The following PTPRT variants were observed in gnomAD, a reference collection of about 807,000 sequenced individuals.
PTPRT encodes the protein protein tyrosine phosphatase receptor type T, also known as receptor-type tyrosine-protein phosphatase T.
A neutral mutation model predicts 176.8 loss-of-function variants in PTPRT; 56 were observed. The observed-to-expected ratio is 0.32, with a 90% CI of 0.26 to 0.40. The LOEUF is 0.40. PTPRT is among the 10% of genes least tolerant of loss of function. The pLI, the probability that PTPRT is intolerant of heterozygous loss-of-function variation, is 1.00. For synonymous variants in PTPRT, 783 were observed against 739.0 expected (o/e 1.06, Z -0.96); for missense variants, 1,540 against 1,908.2 (o/e 0.81, Z 3.60).
intron 3 of PTPRT, among the ~76,000 whole-genome samples, chr20:42,786,195 T>G (rs2145522301): frequency 6.6e-6 from 1 of 152,316 alleles, no homozygotes; most frequent in Middle Eastern, 3.4e-3. Context: ...ATTAAACCTC[T>G]TTTCTTTATA....
intron 9 of PTPRT, among the ~76,000 whole-genome samples, chr20:42,392,973 C>T (rs1361893064): frequency 3.9e-5 from 6 of 152,040 alleles, no homozygotes; most frequent in Admixed American, 1.3e-4. Context: ...TTAATGCTTA[C>T]ATTTGATGAA....
intron 1 of PTPRT, among the ~76,000 whole-genome samples, chr20:43,146,597 G>A (rs2014176608): frequency 6.6e-6 from 1 of 151,490 alleles, no homozygotes; most frequent in South Asian, 2.1e-4. Context: ...ATAAACTATT[G>A]TTCTTCTGCA....
chr20:42,401,697 G>C (rs2058909594), intron 9 of PTPRT, among the ~76,000 whole-genome samples: 1 of 152,122 alleles, frequency 6.6e-6, no homozygotes, highest in East Asian at 1.9e-4. Context: ...TTAGCAGAGA[G>C]GATGGCATGT....
At chr20:42,841,610 TACACACACACACACACACACAC>T (rs3973897) in intron 2 of PTPRT, among the ~76,000 whole-genome samples, 6 of 140,908 alleles carry the variant, frequency 4.3e-5, no homozygotes, top group South Asian at 2.4e-4. Context: ...TAGTGTTAAA[TACACACACACACACACACACAC>T]ACACACACAC....
chr20:42,783,817 G>A (rs184399783), intron 3 of PTPRT, among the ~76,000 whole-genome samples: 28 of 152,288 alleles, frequency 1.8e-4, no homozygotes, highest in Non-Finnish European at 2.9e-4. Context: ...GAGAAGTCTA[G>A]AGGTGACTCT....
At chr20:43,050,982 G>A (rs1428272044) in intron 1 of PTPRT, among the ~76,000 whole-genome samples, 1 of 152,156 alleles carries the variant, frequency 6.6e-6, no homozygotes, top group Non-Finnish European at 1.5e-5. Flanking sequence ...GAAGAAAGTG[G>A]CTCTATTCTC....
At chr20:42,225,951 C>A (rs2055999916) in intron 15 of PTPRT, among the ~76,000 whole-genome samples, 1 of 152,184 alleles carries the variant, frequency 6.6e-6, no homozygotes, top group African/African-American at 2.4e-5. Context: ...CCGCACCAGG[C>A]CAAATGTGTC....
At chr20:42,665,266 C>T (rs2075294269) in intron 7 of PTPRT, among the ~76,000 whole-genome samples, 1 of 152,040 alleles carries the variant, frequency 6.6e-6, no homozygotes, top group South Asian at 2.1e-4. Context: ...AAAAACAACC[C>T]CATCAAAAGT....
chr20:42,808,444 C>T (rs1035259587), intron 2 of PTPRT, among the ~76,000 whole-genome samples: 3 of 152,006 alleles, frequency 2.0e-5, no homozygotes, highest in Admixed American at 6.6e-5. Flanking sequence ...GGGAACAGGA[C>T]GAGAAAGTCC....
At chr20:42,657,989 C>G (rs1210732455) in intron 7 of PTPRT, among the ~76,000 whole-genome samples, 1 of 144,246 alleles carries the variant, frequency 6.9e-6, no homozygotes, top group Non-Finnish European at 1.5e-5. Flanking sequence ...TGAAAATTAT[C>G]TTTTAACAGT....
intron 6 of PTPRT, among the ~76,000 whole-genome samples, chr20:42,742,428 G>A (rs1440671180): frequency 2.0e-5 from 3 of 152,188 alleles, no homozygotes; most frequent in Non-Finnish European, 2.9e-5. Context: ...ACAGCCCAGT[G>A]AAGTTACTGG....
intron 1 of PTPRT, among the ~76,000 whole-genome samples, chr20:43,074,022 G>A (rs1363711979): frequency 6.6e-6 from 1 of 152,076 alleles, no homozygotes; most frequent in Non-Finnish European, 1.5e-5. Flanking sequence ...CCAAAGTGCT[G>A]GGATTACAAC....
intron 9 of PTPRT, among the ~76,000 whole-genome samples, chr20:42,410,936 G>A (rs1376579926): frequency 6.6e-6 from 1 of 152,166 alleles, no homozygotes; most frequent in African/African-American, 2.4e-5. Flanking sequence ...GTAGTACTTA[G>A]AGGTAAATTT....
At chr20:42,361,312 C>G (rs952154505) in intron 9 of PTPRT, among the ~76,000 whole-genome samples, 7 of 152,156 alleles carry the variant, frequency 4.6e-5, no homozygotes, top group African/African-American at 1.7e-4. Context: ...GCCTGAATTT[C>G]TAAACCTGTG....
At chr20:42,515,959 A>T (rs2072058074) in intron 7 of PTPRT, among the ~76,000 whole-genome samples, 1 of 150,040 alleles carries the variant, frequency 6.7e-6, no homozygotes, top group Non-Finnish European at 1.5e-5. Flanking sequence ...TTGTAGGGAC[A>T]TGGATGAAAT....
At chr20:42,357,888 T>A (rs1344637796) in intron 9 of PTPRT, among the ~76,000 whole-genome samples, 1 of 152,082 alleles carries the variant, frequency 6.6e-6, no homozygotes, top group Non-Finnish European at 1.5e-5. Context: ...CATTCTAGCC[T>A]GGGAAACAGA....
At chr20:43,027,233 T>C (rs206161) in intron 1 of PTPRT, among the ~76,000 whole-genome samples, 103,283 of 151,986 alleles carry the variant, frequency 0.68, 38,103 homozygotes, top group South Asian at 0.9. Context: ...ATCCCAGCAC[T>C]TTGGGAGGCA....
chr20:42,099,083 G>T (rs1330588457), intron 26 of PTPRT, among the ~76,000 whole-genome samples: 1 of 152,260 alleles, frequency 6.6e-6, no homozygotes, highest in Non-Finnish European at 1.5e-5. Context: ...AAGTACACAT[G>T]CATTATTAAT....
chr20:42,600,007 C>G (rs2073747667), intron 7 of PTPRT, among the ~76,000 whole-genome samples: 1 of 152,164 alleles, frequency 6.6e-6, no homozygotes, highest in Non-Finnish European at 1.5e-5. Flanking sequence ...GATTGCCCTT[C>G]CAGATGTAAC....
Sources: allele counts gnomAD v4.1 joint callset (sites outside exome capture counted in the v4.1 genomes callset), GRCh38; gene constraint gnomAD v4.1.1; transcripts MANE v1.5; gene names NCBI Gene and HGNC (gene_info 2026-07-23, HGNC 2026-07-21).